Variants in OR3A2 observed in about 807,000 individuals in gnomAD.
OR3A2 encodes olfactory receptor 3A2.
For missense variants in OR3A2, 318 were observed against 392.8 expected (o/e 0.81, Z 1.61); for synonymous variants, 126 against 159.3 (o/e 0.79, Z 1.57).
chr17:3,337,044 CTCTT>C (rs1205127858), intron 2 of OR3A2, among the ~76,000 whole-genome samples: 4 of 152,152 alleles, frequency 2.6e-5, no homozygotes, highest in South Asian at 2.1e-4. Flanking sequence ...AATTTCATAC[CTCTT>C]TCTGCTTCCA....
chr17:3,302,739 G>C (rs140242643), intron 3 of OR3A2, among the ~76,000 whole-genome samples: 24 of 152,320 alleles, frequency 1.6e-4, no homozygotes, highest in Non-Finnish European at 3.4e-4. Context: ...GAAAGGGCTA[G>C]TGGCCACATT....
intron 1 of OR3A2, among the ~76,000 whole-genome samples, chr17:3,281,259 G>C (rs1380747875): frequency 6.7e-6 from 1 of 148,952 alleles, no homozygotes; most frequent in African/African-American, 2.5e-5. Flanking sequence ...TTTTGAGATG[G>C]AGTCTCCCTC....
intron 1 of OR3A2, among the ~76,000 whole-genome samples, chr17:3,384,459 A>G (rs939428395): frequency 6.6e-6 from 1 of 152,120 alleles, no homozygotes; most frequent in South Asian, 2.1e-4. Flanking sequence ...GCAGTCTGCA[A>G]TGCCCTCCCT....
chr17:3,331,600 C>G (rs906201362), intron 3 of OR3A2, among the ~76,000 whole-genome samples: 4 of 152,048 alleles, frequency 2.6e-5, no homozygotes, highest in African/African-American at 9.7e-5. Flanking sequence ...ATTGGTTATT[C>G]TACTTATACA....
intron 3 of OR3A2, among the ~76,000 whole-genome samples, chr17:3,325,635 T>C (rs2049165121): frequency 6.6e-6 from 1 of 152,120 alleles, no homozygotes; most frequent in Non-Finnish European, 1.5e-5. Flanking sequence ...TATACCACAA[T>C]GTTTCAATAA....
intron 2 of OR3A2, among the ~76,000 whole-genome samples, chr17:3,354,503 A>G (rs550777858): frequency 1.3e-5 from 2 of 151,220 alleles, no homozygotes; most frequent in African/African-American, 4.9e-5. Context: ...TTATGGTTTG[A>G]TCTTGGTAGG....
intron 2 of OR3A2, among the ~76,000 whole-genome samples, chr17:3,351,081 T>G (rs2049416416): frequency 6.6e-6 from 1 of 151,446 alleles, no homozygotes; most frequent in Non-Finnish European, 1.5e-5. Context: ...AATATCATAC[T>G]GAATGGGCAA....
chr17:3,383,405 C>T (rs1260083242), intron 2 of OR3A2, among the ~76,000 whole-genome samples: 5 of 152,230 alleles, frequency 3.3e-5, no homozygotes. Context: ...TCTGTATGTG[C>T]ATTACCTCTT....
intron 2 of OR3A2, among the ~76,000 whole-genome samples, chr17:3,379,915 A>G (rs1351769431): frequency 6.6e-6 from 1 of 151,968 alleles, no homozygotes; most frequent in Non-Finnish European, 1.5e-5. Flanking sequence ...CCCCTCTCCT[A>G]CTCAGTTCTC....
chr17:3,343,865 GC>G (rs895162396), intron 2 of OR3A2, among the ~76,000 whole-genome samples: 1 of 151,860 alleles, frequency 6.6e-6, no homozygotes, highest in African/African-American at 2.4e-5. Flanking sequence ...CACCCCCTTT[GC>G]CTCATTATTT....
chr17:3,332,950 G>T (rs1484796255), intron 3 of OR3A2, among the ~76,000 whole-genome samples: 1 of 152,116 alleles, frequency 6.6e-6, no homozygotes, highest in Non-Finnish European at 1.5e-5. Flanking sequence ...ACCTTGAAAA[G>T]AACAGAATAA....
At chr17:3,310,007 A>C (rs2049028452) in intron 3 of OR3A2, 1 of 204,824 alleles carries the variant, frequency 4.9e-6, no homozygotes, top group Non-Finnish European at 1.0e-5. Flanking sequence ...TCAGGAAAAT[A>C]ATTTTTCCCT....
At chr17:3,277,711 G>A (rs898144432) in exon 2 of OR3A2, 30 of 420,934 alleles carry the variant, frequency 7.1e-5, no homozygotes, top group Middle Eastern at 1.3e-3. Flanking sequence ...TAGCATGTGA[G>A]TTGCATGAGT....
At chr17:3,314,006 A>G (rs936640289) in intron 3 of OR3A2, among the ~76,000 whole-genome samples, 4 of 152,258 alleles carry the variant, frequency 2.6e-5, no homozygotes, top group Non-Finnish European at 5.9e-5. Context: ...AGATATAAAG[A>G]GAAAATTTTT....
At chr17:3,328,610 G>A (rs951983231) in intron 3 of OR3A2, among the ~76,000 whole-genome samples, 8 of 148,328 alleles carry the variant, frequency 5.4e-5, no homozygotes, top group East Asian at 2.0e-4. Context: ...TAGGAGTGGT[G>A]AGAGAGGGCA....
In OR3A2 at chr17:3,371,673, G is replaced by A. The variant is rs1371152227; in HGVS notation, c.-179+12131C>T. Among the ~76,000 whole-genome samples, 22 of 139,676 alleles carry A rather than the reference G, an allele frequency of 1.6e-4. 1 individual carries two copies. The highest frequency in any genetic ancestry group is 4.3e-4 in the African/African-American group (16 of 37,260). 91.6% of individuals were successfully genotyped at this position (139,676 alleles called of 152,430 possible). A position where few individuals can be genotyped will look rare whatever the true frequency, so the allele number is the denominator to read the frequency against. On this transcript the variant is annotated intron_variant, in intron 2 of 4. Transcript: ENST00000573491. ...CAGAGGCGCCCCTCACCTCCCGGAC[G>A]GGGCGGCTGGCCGGGCGGGGGTGCT...
At chr17:3,329,605 T>A (rs1382663084) in intron 3 of OR3A2, among the ~76,000 whole-genome samples, 1 of 141,398 alleles carries the variant, frequency 7.1e-6, no homozygotes. Context: ...TCTCTCTTTT[T>A]TTCTTTATTA....
At chr17:3,377,232 T>A (rs1223381710) in intron 2 of OR3A2, among the ~76,000 whole-genome samples, 1 of 152,208 alleles carries the variant, frequency 6.6e-6, no homozygotes, top group Non-Finnish European at 1.5e-5. Context: ...AGCTGCATGT[T>A]AGTCCCGTCT....
chr17:3,367,627 T>C (rs1434041986), intron 2 of OR3A2, among the ~76,000 whole-genome samples: 8 of 95,522 alleles, frequency 8.4e-5, no homozygotes, highest in Non-Finnish European at 1.5e-4. Flanking sequence ...ATATATGCCA[T>C]TTTCTTTATC....
Sources: allele counts gnomAD v4.1 joint callset (sites outside exome capture counted in the v4.1 genomes callset), GRCh38; gene constraint gnomAD v4.1.1; transcripts MANE v1.5; gene names NCBI Gene and HGNC (gene_info 2026-07-23, HGNC 2026-07-21).